The following COBL variants were observed in gnomAD, a reference collection of about 807,000 sequenced individuals.
The protein encoded by COBL is protein cordon-bleu.
COBL carries 51 observed loss-of-function variants against 98.8 expected under a neutral mutation model. That is an observed-to-expected ratio of 0.52 (90% CI 0.41 to 0.65). The LOEUF is 0.65. COBL is among the 30% of genes least tolerant of loss of function. COBL has a pLI of 0.00. For missense variants in COBL, 1,617 were observed against 1,617.5 expected (o/e 1.00, Z 0.01); for synonymous variants, 634 against 651.7 (o/e 0.97, Z 0.41).
At chr7:51,273,346 A>C (rs1013539374) in intron 1 of COBL, among the ~76,000 whole-genome samples, 6 of 151,384 alleles carry the variant, frequency 4.0e-5, no homozygotes, top group Admixed American at 3.9e-4. Flanking sequence ...AAAAAAAAAA[A>C]GAAAAAGAAA....
chr7:51,103,730 T>G (rs997692230), intron 6 of COBL, among the ~76,000 whole-genome samples: 1 of 152,214 alleles, frequency 6.6e-6, no homozygotes, highest in African/African-American at 2.4e-5. Context: ...CACATTACAA[T>G]AATATTACAA....
chr7:51,124,598 C>T (rs1416296821), intron 6 of COBL, among the ~76,000 whole-genome samples: 2 of 152,162 alleles, frequency 1.3e-5, no homozygotes, highest in Admixed American at 1.3e-4. Context: ...GCGACGGCTG[C>T]TGCCACTGTC....
At chr7:51,112,277 T>C (rs182926257) in intron 6 of COBL, among the ~76,000 whole-genome samples, 1 of 152,346 alleles carries the variant, frequency 6.6e-6, no homozygotes, top group East Asian at 1.9e-4. Context: ...GGAAATTGTA[T>C]TGCTCTCCTC....
At chr7:51,181,170 C>A (rs550288753) in intron 5 of COBL, among the ~76,000 whole-genome samples, 12 of 152,244 alleles carry the variant, frequency 7.9e-5, no homozygotes, top group Non-Finnish European at 1.3e-4. Flanking sequence ...GACAAGGGAC[C>A]CCTTGACACT....
chr7:51,142,167 G>A (rs73316839), intron 5 of COBL, among the ~76,000 whole-genome samples: 10,692 of 152,096 alleles, frequency 0.07, 539 homozygotes, highest in East Asian at 0.31. Flanking sequence ...GGTGAGGCGA[G>A]TAGGAAATGA....
At chr7:51,150,001 C>G (rs187331893) in intron 5 of COBL, among the ~76,000 whole-genome samples, 33 of 152,224 alleles carry the variant, frequency 2.2e-4, no homozygotes, top group African/African-American at 7.0e-4. Context: ...TCCATTAAAC[C>G]CTGGCAGCTG....
chr7:51,149,893 G>A (rs1785397757), intron 5 of COBL, among the ~76,000 whole-genome samples: 1 of 152,156 alleles, frequency 6.6e-6, no homozygotes, highest in Non-Finnish European at 1.5e-5. Flanking sequence ...CGAAAGTGCT[G>A]GGATTACAGG....
At chr7:51,243,625 G>A (rs767383369) in intron 1 of COBL, among the ~76,000 whole-genome samples, 2 of 151,990 alleles carry the variant, frequency 1.3e-5, no homozygotes, top group East Asian at 3.9e-4. Context: ...AGAACGTTAC[G>A]CTGGGTGAAA....
At chr7:51,189,534 T>C (rs767385976) in intron 4 of COBL, among the ~76,000 whole-genome samples, 1 of 152,054 alleles carries the variant, frequency 6.6e-6, no homozygotes, top group Non-Finnish European at 1.5e-5. Flanking sequence ...CTCAGGAGGC[T>C]GAGGCAGGAG....
intron 1 of COBL, among the ~76,000 whole-genome samples, chr7:51,281,262 G>A (rs4948214): frequency 0.55 from 83,548 of 152,052 alleles, 23,356 homozygotes; most frequent in African/African-American, 0.65. Context: ...ACATAAAGAG[G>A]AAGGACTGTA....
Position 51,016,725 on chromosome 7 carries a change from T to A in COBL, c.*826A>T. 1 of 383,274 alleles carries A rather than the reference T, an allele frequency of 2.6e-6. No homozygotes were observed. Among genetic ancestry groups the A allele is most frequent in the Non-Finnish European group, 4.6e-6 (1 of 216,880 alleles). 23.7% of individuals were successfully genotyped at this position (383,274 alleles called of 1,614,324 possible). ...TTCCAGAAGGCTCCCAGTGAAGTCA[T>A]CAGGCTCCGTACACAGGCACCGTGG... is the stretch of plus-strand genomic sequence containing the variant. On this transcript the variant is annotated 3_prime_UTR_variant, in exon 13 of 13. Transcript: ENST00000265136.
At chr7:51,243,672 T>C (rs561892955) in intron 1 of COBL, among the ~76,000 whole-genome samples, 64 of 152,278 alleles carry the variant, frequency 4.2e-4, no homozygotes, top group Non-Finnish European at 7.8e-4. Context: ...AGTATGATCC[T>C]ACTGATATAA....
intron 12 of COBL, among the ~76,000 whole-genome samples, chr7:51,019,724 G>C (rs976580615): frequency 6.6e-6 from 1 of 152,210 alleles, no homozygotes; most frequent in African/African-American, 2.4e-5. Flanking sequence ...AGACAGAACT[G>C]ACCCCTAGGC....
chr7:51,201,683 C>T (rs1424811858), intron 2 of COBL, among the ~76,000 whole-genome samples: 1 of 152,114 alleles, frequency 6.6e-6, no homozygotes, highest in Admixed American at 6.5e-5. Flanking sequence ...GCATGTGGAA[C>T]ATTCTTCAGG....
In COBL at chr7:51,138,664, G is replaced by A. The variant is rs1020784154; in HGVS notation, c.784-2333C>T. On this transcript the variant is annotated intron_variant, in intron 5 of 12. Coordinates refer to ENST00000265136, the MANE Select transcript of COBL (RefSeq NM_015198.5). The stretch of plus-strand genomic sequence containing the variant: ...AGTGACTGCACATGCACACACTCAC[G>A]CACATGTGCACACACTCACAAACGT... Among the ~76,000 whole-genome samples the A allele has an allele frequency of 5.3e-5, 8 of 152,158 alleles. No homozygotes were observed. The South Asian group carries it at 8.3e-4, about 16-fold the overall frequency.
chr7:51,256,424 C>T (rs1238608448), intron 1 of COBL, among the ~76,000 whole-genome samples: 1 of 152,214 alleles, frequency 6.6e-6, no homozygotes, highest in Non-Finnish European at 1.5e-5. Flanking sequence ...GGGCCCACTG[C>T]TGGGGCTTTC....
At chr7:51,292,720 T>A (rs1340325155) in intron 1 of COBL, among the ~76,000 whole-genome samples, 1 of 152,164 alleles carries the variant, frequency 6.6e-6, no homozygotes, top group Non-Finnish European at 1.5e-5. Context: ...CCCTCCTCCC[T>A]CCACACTCCA....
At chr7:51,175,173 C>T (rs1417252606) in intron 5 of COBL, among the ~76,000 whole-genome samples, 2 of 152,246 alleles carry the variant, frequency 1.3e-5, no homozygotes, top group Non-Finnish European at 2.9e-5. Context: ...ACTACCTTTT[C>T]CACCTTGGAG....
At position 51,284,767 on chromosome 7, in the gene COBL, T is replaced by C. The variant is rs568887804; in HGVS notation, c.41+31826A>G. Among the ~76,000 whole-genome samples, 519 of 147,830 alleles carry C rather than the reference T, an allele frequency of 3.5e-3. 8 individuals carry two copies. Among genetic ancestry groups the C allele is most frequent in the Non-Finnish European group, 2.3e-3 (157 of 66,864 alleles). On this transcript the variant is annotated intron_variant, in intron 1 of 12. Transcript: ENST00000265136. ...ACTTGAACCCAGGAGGCAGAGGTTGTGGTGAGCCAAGATCGTACCACTGCA... is the reference window on the plus strand; with the variant it reads ...ACTTGAACCCAGGAGGCAGAGGTTGCGGTGAGCCAAGATCGTACCACTGCA...
Sources: gnomAD v4.1 joint callset for allele counts (sites outside exome capture counted in the v4.1 genomes callset) on GRCh38, gnomAD v4.1.1 for gene constraint, MANE v1.5 for transcripts, NCBI Gene and HGNC (gene_info 2026-07-23, HGNC 2026-07-21) for gene names.